SLMAP: variants seen among roughly 807,000 people sequenced by gnomAD.
SLMAP encodes sarcolemmal membrane-associated protein.
A neutral mutation model predicts 128.8 loss-of-function variants in SLMAP; 44 were observed. The observed-to-expected ratio is 0.34, with a 90% CI of 0.27 to 0.44. The LOEUF (loss-of-function observed/expected upper bound fraction) is 0.44, where lower values mean the gene tolerates loss of function less well. Ranked by LOEUF, SLMAP falls within the 20% of genes least tolerant of loss-of-function variation. SLMAP has a pLI of 1.00. For missense variants in SLMAP, 787 were observed against 985.3 expected (o/e 0.80, Z 2.69); for synonymous variants, 327 against 348.8 (o/e 0.94, Z 0.70).
chr3:57,844,783 C>T (rs1322162523), intron 4 of SLMAP, among the ~76,000 whole-genome samples: 1 of 139,404 alleles, frequency 7.2e-6, no homozygotes, highest in African/African-American at 2.7e-5. Context: ...GGTGTGATCT[C>T]GGCTCACTGC....
intron 2 of SLMAP, among the ~76,000 whole-genome samples, chr3:57,820,500 T>C (rs2092399723): frequency 6.6e-6 from 1 of 152,204 alleles, no homozygotes; most frequent in African/African-American, 2.4e-5. Context: ...TAGAATTTGC[T>C]GTAGGCTTTC....
intron 4 of SLMAP, among the ~76,000 whole-genome samples, chr3:57,846,859 G>A (rs151210633): frequency 1.1e-3 from 160 of 152,100 alleles, no homozygotes; most frequent in African/African-American, 3.6e-3. Context: ...ATGCCTAGCC[G>A]AAAATGGATA....
chr3:57,868,709 A>G (rs912591063), intron 13 of SLMAP, among the ~76,000 whole-genome samples: 3 of 150,436 alleles, frequency 2.0e-5, no homozygotes, highest in Non-Finnish European at 4.4e-5. Context: ...CCTGGACAAC[A>G]GAGTAAGACC....
chr3:57,868,887 ATATT>A (rs1299680007), intron 13 of SLMAP, among the ~76,000 whole-genome samples: 2 of 137,662 alleles, frequency 1.5e-5, no homozygotes, highest in Non-Finnish European at 3.1e-5. Context: ...TATATAATAT[ATATT>A]ATATATATTA....
At position 57,913,153 on chromosome 3, in the gene SLMAP, T is replaced by A; in HGVS notation, c.2021-5T>A. ...ATTAACAAATATGTTTTGGGACTAT[T>A]TTAGGTGAACTAGAGAAGTTGAGAA... On this transcript the variant is annotated splice_polypyrimidine_tract_variant and splice_region_variant and intron_variant, in intron 20 of 24. Coordinates refer to ENST00000671191, the MANE Select transcript of SLMAP (RefSeq NM_001377540.1). The A allele has an allele frequency of 7.5e-7, 1 of 1,341,950 alleles. No homozygotes were observed. Among genetic ancestry groups the A allele is most frequent in the Non-Finnish European group, 1.1e-6 (1 of 938,806 alleles). 83.1% of individuals were successfully genotyped at this position (1,341,950 alleles called of 1,614,324 possible). A position where few individuals can be genotyped will look rare whatever the true frequency, so the allele number is the denominator to read the frequency against.
intron 10 of SLMAP, 86 bp downstream of exon 10, chr3:57,862,172 T>C: frequency 1.7e-6 from 2 of 1,152,776 alleles, no homozygotes; most frequent in Non-Finnish European, 2.5e-6. Flanking sequence ...TTGCTTTAGC[T>C]GGGCGTGGGG....
At chr3:57,834,325 A>G (rs2093511624) in intron 3 of SLMAP, among the ~76,000 whole-genome samples, 1 of 152,154 alleles carries the variant, frequency 6.6e-6, no homozygotes, top group African/African-American at 2.4e-5. Flanking sequence ...AAAAGAAAAC[A>G]AACAGTGAAC....
At chr3:57,791,363 A>G (rs180706639) in intron 2 of SLMAP, among the ~76,000 whole-genome samples, 2 of 146,626 alleles carry the variant, frequency 1.4e-5, no homozygotes, top group Admixed American at 6.7e-5. Flanking sequence ...CTCAAAAAGA[A>G]AAAAAAAAAG....
intron 2 of SLMAP, among the ~76,000 whole-genome samples, chr3:57,825,744 G>A (rs766315550): frequency 4.3e-4 from 66 of 152,032 alleles, no homozygotes; most frequent in Non-Finnish European, 7.5e-4. Context: ...GGTCTGCTCT[G>A]CTCCCTCTGG....
intron 14 of SLMAP, among the ~76,000 whole-genome samples, chr3:57,888,517 C>T (rs1426569940): frequency 9.3e-5 from 14 of 151,072 alleles, no homozygotes; most frequent in Admixed American, 5.9e-4. Flanking sequence ...CTTGGGAGGC[C>T]GAGGCAGGAG....
At chr3:57,887,440 G>A (rs1343004128) in intron 14 of SLMAP, among the ~76,000 whole-genome samples, 1 of 152,058 alleles carries the variant, frequency 6.6e-6, no homozygotes, top group African/African-American at 2.4e-5. Context: ...TCGAACTCCT[G>A]ACCTCAGGTG....
At chr3:57,789,014 G>T (rs1460482409) in intron 2 of SLMAP, among the ~76,000 whole-genome samples, 1 of 152,116 alleles carries the variant, frequency 6.6e-6, no homozygotes, top group Non-Finnish European at 1.5e-5. Flanking sequence ...TGCTCCCAAG[G>T]AGCCTGTGGT....
chr3:57,884,265 ATC>A (rs1039801462), intron 14 of SLMAP, among the ~76,000 whole-genome samples: 2 of 152,176 alleles, frequency 1.3e-5, no homozygotes, highest in African/African-American at 2.4e-5. Context: ...ACAGACAAGT[ATC>A]TCTTTCTTTA....
At chr3:57,781,004 A>G (rs2082931692) in intron 2 of SLMAP, among the ~76,000 whole-genome samples, 2 of 103,504 alleles carry the variant, frequency 1.9e-5, no homozygotes, top group East Asian at 6.1e-4. Flanking sequence ...ATGTATGCAC[A>G]TATATATATA....
At chr3:57,837,259 A>G (rs780979632) in intron 3 of SLMAP, among the ~76,000 whole-genome samples, 2 of 152,194 alleles carry the variant, frequency 1.3e-5, no homozygotes, top group African/African-American at 4.8e-5. Context: ...AAGCTGTGCA[A>G]CTATAGGAAG....
At chr3:57,909,261 G>A (rs1287911383) in intron 19 of SLMAP, 111 bp downstream of exon 19, 1 of 739,840 alleles carries the variant, frequency 1.4e-6, no homozygotes, top group Admixed American at 2.5e-5. Context: ...CCAGCATTTG[G>A]GAGGCCGAGA....
intron 2 of SLMAP, among the ~76,000 whole-genome samples, chr3:57,788,787 C>T (rs1357714966): frequency 6.6e-6 from 1 of 152,068 alleles, no homozygotes; most frequent in Non-Finnish European, 1.5e-5. Flanking sequence ...TCATCAATGG[C>T]TTGAGGGCTG....
intron 2 of SLMAP, among the ~76,000 whole-genome samples, chr3:57,805,883 C>T (rs2089714827): frequency 6.6e-6 from 1 of 152,062 alleles, no homozygotes; most frequent in Non-Finnish European, 1.5e-5. Context: ...GTTTCAAGTC[C>T]CCTCCCTACT....
chr3:57,915,315 A>T (rs1296952778), intron 21 of SLMAP, among the ~76,000 whole-genome samples: 1 of 152,234 alleles, frequency 6.6e-6, no homozygotes, highest in Non-Finnish European at 1.5e-5. Context: ...AGTGAGTAGA[A>T]GCACATGGTT....
Sources: allele counts gnomAD v4.1 joint callset (sites outside exome capture counted in the v4.1 genomes callset), GRCh38; gene constraint gnomAD v4.1.1; transcripts MANE v1.5; gene names NCBI Gene and HGNC (gene_info 2026-07-23, HGNC 2026-07-21).